Variants in LRRC4C observed in about 807,000 individuals in gnomAD.
LRRC4C encodes the protein leucine-rich repeat-containing protein 4C.
A neutral mutation model predicts 33.6 loss-of-function variants in LRRC4C; 5 were observed. The ratio of observed to expected loss-of-function variants is 0.15; its 90% CI spans 0.08 to 0.31. The LOEUF is 0.31. Among genes scored for constraint, LRRC4C ranks in the 10% least tolerant of loss-of-function variants. LRRC4C has a pLI of 1.00. For synonymous variants in LRRC4C, 329 were observed against 302.0 expected (o/e 1.09, Z -0.93); for missense variants, 560 against 796.7 (o/e 0.70, Z 3.58).
chr11:40,411,839 G>T (rs1040284168), intron 3 of LRRC4C, among the ~76,000 whole-genome samples: 5 of 151,960 alleles, frequency 3.3e-5, no homozygotes, highest in African/African-American at 1.2e-4. Flanking sequence ...AACCATGGTA[G>T]CTAGTATTGT....
At chr11:41,270,146 A>G (rs1485649546) in intron 1 of LRRC4C, among the ~76,000 whole-genome samples, 1 of 152,110 alleles carries the variant, frequency 6.6e-6, no homozygotes, top group East Asian at 1.9e-4. Flanking sequence ...TTGGAAATTC[A>G]ATAACTGAAA....
At chr11:41,155,730 G>A (rs112594487) in intron 1 of LRRC4C, among the ~76,000 whole-genome samples, 2,249 of 152,184 alleles carry the variant, frequency 0.015, 67 homozygotes, top group African/African-American at 0.051. Context: ...CTCACAGGAC[G>A]TTTCAAGATG....
chr11:41,425,425 C>T (rs1015178668), intron 1 of LRRC4C, among the ~76,000 whole-genome samples: 5 of 151,976 alleles, frequency 3.3e-5, no homozygotes, highest in African/African-American at 1.2e-4. Context: ...CCGTTCTGGG[C>T]CTTGTTTTCC....
intron 3 of LRRC4C, among the ~76,000 whole-genome samples, chr11:40,428,064 T>C (rs1232887070): frequency 6.6e-6 from 1 of 152,182 alleles, no homozygotes; most frequent in Non-Finnish European, 1.5e-5. Context: ...AATTGCTTCC[T>C]TCTAAAAAAT....
At chr11:40,820,231 T>A (rs1408686052) in intron 2 of LRRC4C, among the ~76,000 whole-genome samples, 1 of 152,044 alleles carries the variant, frequency 6.6e-6, no homozygotes, top group East Asian at 1.9e-4. Flanking sequence ...GAAAGAAGTA[T>A]TATAAATATT....
At chr11:41,332,034 T>C (rs1025946678) in intron 1 of LRRC4C, among the ~76,000 whole-genome samples, 3 of 152,228 alleles carry the variant, frequency 2.0e-5, no homozygotes, top group Admixed American at 2.0e-4. Context: ...TGTTGTTTAC[T>C]ATGTAAAATG....
At chr11:40,660,157 G>C (rs1053124585) in intron 2 of LRRC4C, among the ~76,000 whole-genome samples, 8 of 152,208 alleles carry the variant, frequency 5.3e-5, no homozygotes, top group Admixed American at 2.0e-4. Context: ...GCCTTACACA[G>C]AGCTGGAACC....
intron 5 of LRRC4C, among the ~76,000 whole-genome samples, chr11:40,149,768 A>T (rs574506234): frequency 6.6e-6 from 1 of 152,336 alleles, no homozygotes; most frequent in South Asian, 2.1e-4. Context: ...AGGAAGAGAG[A>T]ATAGCTAACA....
chr11:40,192,898 T>C (rs1238036775), intron 5 of LRRC4C, among the ~76,000 whole-genome samples: 1 of 152,130 alleles, frequency 6.6e-6, no homozygotes, highest in Non-Finnish European at 1.5e-5. Context: ...AGACTGCCTC[T>C]CTACATTTCT....
At chr11:41,025,090 T>C (rs1271282386) in intron 1 of LRRC4C, among the ~76,000 whole-genome samples, 1 of 151,590 alleles carries the variant, frequency 6.6e-6, no homozygotes, top group Non-Finnish European at 1.5e-5. Flanking sequence ...TCTTTCTCCC[T>C]CTACTTGGAC....
chr11:41,398,468 C>T (rs1230625634), intron 1 of LRRC4C, among the ~76,000 whole-genome samples: 4 of 151,828 alleles, frequency 2.6e-5, no homozygotes, highest in African/African-American at 9.7e-5. Context: ...GATGGAAATC[C>T]CTGAATGCAC....
intron 2 of LRRC4C, among the ~76,000 whole-genome samples, chr11:40,857,318 C>T (rs944243766): frequency 6.6e-6 from 1 of 152,170 alleles, no homozygotes; most frequent in Non-Finnish European, 1.5e-5. Flanking sequence ...TTAAGCCCTG[C>T]ATGCATTAGC....
intron 1 of LRRC4C, among the ~76,000 whole-genome samples, chr11:41,110,401 C>T (rs1941760817): frequency 6.6e-6 from 1 of 151,978 alleles, no homozygotes; most frequent in Non-Finnish European, 1.5e-5. Flanking sequence ...TTTATATATT[C>T]TTATTGTTCC....
intron 1 of LRRC4C, among the ~76,000 whole-genome samples, chr11:41,242,503 T>C (rs959976348): frequency 6.6e-6 from 1 of 152,086 alleles, no homozygotes; most frequent in Non-Finnish European, 1.5e-5. Context: ...GTTATGTATC[T>C]TATCTTTTAA....
At chr11:40,623,705 T>C (rs532074023) in intron 3 of LRRC4C, among the ~76,000 whole-genome samples, 1 of 152,084 alleles carries the variant, frequency 6.6e-6, no homozygotes, top group East Asian at 1.9e-4. Context: ...CTGGATGACA[T>C]GCTGAGCATG....
At chr11:40,559,344 T>C (rs1465139526) in intron 3 of LRRC4C, among the ~76,000 whole-genome samples, 1 of 151,970 alleles carries the variant, frequency 6.6e-6, no homozygotes, top group Non-Finnish European at 1.5e-5. Context: ...CCACCTCACC[T>C]GGCTAATTTT....
intron 2 of LRRC4C, among the ~76,000 whole-genome samples, chr11:40,782,557 C>G (rs188972348): frequency 6.6e-6 from 1 of 152,200 alleles, no homozygotes; most frequent in African/African-American, 2.4e-5. Flanking sequence ...ATACTCTTGG[C>G]CTTCCACTAG....
chr11:40,406,361 C>T (rs1232625293), intron 3 of LRRC4C, among the ~76,000 whole-genome samples: 1 of 152,074 alleles, frequency 6.6e-6, no homozygotes, highest in East Asian at 1.9e-4. Flanking sequence ...TAGTCTGACT[C>T]ATTCTGTCAA....
chr11:40,614,910 T>C (rs914803383), intron 3 of LRRC4C, among the ~76,000 whole-genome samples: 1 of 151,498 alleles, frequency 6.6e-6, no homozygotes, highest in African/African-American at 2.4e-5. Flanking sequence ...CCCAGAACAA[T>C]TACAATAGCA....
Sources: gnomAD v4.1 joint callset for allele counts (sites outside exome capture counted in the v4.1 genomes callset) on GRCh38, gnomAD v4.1.1 for gene constraint, MANE v1.5 for transcripts, NCBI Gene and HGNC (gene_info 2026-07-23, HGNC 2026-07-21) for gene names.